BNC2: variants seen among roughly 807,000 people sequenced by gnomAD.
BNC2 encodes the protein basonuclin zinc finger protein 2.
In BNC2, 20 loss-of-function variants were observed where a neutral mutation model predicts 76.3. The ratio of observed to expected loss-of-function variants is 0.26; its 90% confidence interval spans 0.18 to 0.38. The LOEUF is 0.38. BNC2 is among the 10% of genes least tolerant of loss of function. The pLI is 1.00. For missense variants in BNC2, 1,382 were observed against 1,399.8 expected (o/e 0.99, Z 0.20); for synonymous variants, 582 against 514.8 (o/e 1.13, Z -1.77).
At chr9:16,798,600 T>G (rs1437677089) in intron 1 of BNC2, among the ~76,000 whole-genome samples, 1 of 151,642 alleles carries the variant, frequency 6.6e-6, no homozygotes, top group African/African-American at 2.4e-5. Flanking sequence ...TTTAAAGGAG[T>G]TCCTCCAACC....
chr9:16,822,731 A>T (rs2135957691), intron 1 of BNC2, among the ~76,000 whole-genome samples: 1 of 152,334 alleles, frequency 6.6e-6, no homozygotes, highest in Admixed American at 6.5e-5. Context: ...GTAAAGATTA[A>T]TGTGGTGTTG....
chr9:16,506,115 C>T (rs1056314730), intron 5 of BNC2, among the ~76,000 whole-genome samples: 2 of 152,106 alleles, frequency 1.3e-5, no homozygotes, highest in Non-Finnish European at 2.9e-5. Flanking sequence ...GCAAACTTTT[C>T]CCATTAAAAC....
intron 3 of BNC2, among the ~76,000 whole-genome samples, chr9:16,672,495 CA>C (rs930374259): frequency 2.0e-5 from 3 of 149,808 alleles, no homozygotes; most frequent in African/African-American, 4.9e-5. Flanking sequence ...AGATCCATCT[CA>C]AAAAAAAAGA....
At chr9:16,758,576 A>G (rs1586860317) in intron 1 of BNC2, among the ~76,000 whole-genome samples, 1 of 152,140 alleles carries the variant, frequency 6.6e-6, no homozygotes, top group East Asian at 1.9e-4. Flanking sequence ...TGATCTGTCC[A>G]CCTCGGCCTC....
intron 5 of BNC2, among the ~76,000 whole-genome samples, chr9:16,507,100 C>G (rs978705214): frequency 2.6e-5 from 4 of 152,096 alleles, no homozygotes; most frequent in African/African-American, 9.7e-5. Context: ...TAAAAGGAAC[C>G]TTTCCTACTT....
chr9:16,455,248 T>A (rs1406370437), intron 5 of BNC2, among the ~76,000 whole-genome samples: 1 of 152,242 alleles, frequency 6.6e-6, no homozygotes, highest in African/African-American at 2.4e-5. Context: ...TATATCAGCA[T>A]CTGCAGGTGG....
intron 5 of BNC2, among the ~76,000 whole-genome samples, chr9:16,547,169 C>T (rs571698297): frequency 9.9e-5 from 15 of 152,190 alleles, no homozygotes; most frequent in Non-Finnish European, 2.2e-4. Context: ...GAACTTGCTC[C>T]GCAAAGAGCT....
chr9:16,669,269 A>G (rs1282208269), intron 3 of BNC2, among the ~76,000 whole-genome samples: 2 of 152,184 alleles, frequency 1.3e-5, no homozygotes, highest in Non-Finnish European at 2.9e-5. Context: ...AGAGCCCACT[A>G]AGGGAGTAAT....
Position 16,829,011 on chromosome 9 carries a change from G to A in BNC2, c.3+41635C>T, listed in dbSNP as rs1203375275. The stretch of plus-strand genomic sequence containing the variant: ...GCAGGGGGGCGGCGGGGTGGGCTGG[G>A]CAGAGCAGAAGGGAGGCGAGCCAGG... On this transcript the variant is annotated intron_variant, in intron 1 of 6. Transcript: ENST00000380672. Among the ~76,000 whole-genome samples, 6 of 152,226 alleles carry A rather than the reference G, an allele frequency of 3.9e-5. No homozygotes were observed. In the East Asian group the frequency reaches 9.7e-4, roughly 25 times the overall value.
chr9:16,490,879 G>C (rs766795354), intron 5 of BNC2, among the ~76,000 whole-genome samples: 4 of 152,158 alleles, frequency 2.6e-5, no homozygotes, highest in Non-Finnish European at 5.9e-5. Flanking sequence ...CTAATCTCTA[G>C]GTGCTCAAAG....
chr9:16,694,101 T>C (rs906202672), intron 3 of BNC2, among the ~76,000 whole-genome samples: 1 of 152,018 alleles, frequency 6.6e-6, no homozygotes, highest in Non-Finnish European at 1.5e-5. Context: ...AGGAAGAAAA[T>C]ACATCCGTCT....
intron 5 of BNC2, among the ~76,000 whole-genome samples, chr9:16,484,423 C>T (rs543296091): frequency 6.6e-6 from 1 of 152,338 alleles, no homozygotes; most frequent in South Asian, 2.1e-4. Flanking sequence ...GATGTCATCA[C>T]AAGCAGGGCT....
chr9:16,492,316 G>C (rs755636609), intron 5 of BNC2, among the ~76,000 whole-genome samples: 5 of 152,166 alleles, frequency 3.3e-5, no homozygotes, highest in Non-Finnish European at 7.4e-5. Context: ...CACAGTTGTG[G>C]TATATGTAAG....
chr9:16,598,598 T>C (rs909497981), intron 3 of BNC2, among the ~76,000 whole-genome samples: 20 of 152,174 alleles, frequency 1.3e-4, no homozygotes, highest in African/African-American at 4.6e-4. Flanking sequence ...AATAAGTACC[T>C]TCTTCTAAGT....
intron 3 of BNC2, 67 bp from the exon 4 acceptor site, chr9:16,583,152 C>G: frequency 7.9e-7 from 1 of 1,266,356 alleles, no homozygotes; most frequent in Non-Finnish European, 1.2e-6. Context: ...TTCACCATTT[C>G]AATAAATATT....
In BNC2 at chr9:16,423,119, T is replaced by C. The variant is rs146792245; in HGVS notation, c.2640-3470A>G. 2.5e-3 allele frequency among the ~76,000 whole-genome samples: 382 copies of C among 152,264 alleles called. 1 individual carries two copies. Among genetic ancestry groups the C allele is most frequent in the African/African-American group, 8.2e-3 (340 of 41,540 alleles). On this transcript the variant is annotated intron_variant, in intron 6 of 6. Coordinates refer to ENST00000380672, the MANE Select transcript of BNC2 (RefSeq NM_017637.6). ...AGCCCTACTCAGTTGTATGTAACAA[T>C]TGGAACAAAGAATCCAACAAGGAAC...
intron 1 of BNC2, among the ~76,000 whole-genome samples, chr9:16,774,659 G>C (rs1267468379): frequency 6.6e-6 from 1 of 152,212 alleles, no homozygotes; most frequent in Non-Finnish European, 1.5e-5. Flanking sequence ...GATATTTGCA[G>C]TATTGTAAGC....
chr9:16,692,945 C>A (rs1017322622), intron 3 of BNC2, among the ~76,000 whole-genome samples: 4 of 151,870 alleles, frequency 2.6e-5, no homozygotes, highest in African/African-American at 9.7e-5. Context: ...GCCTGGCCGA[C>A]ATGGAGAAAC....
chr9:16,485,446 A>T (rs1822143955), intron 5 of BNC2, among the ~76,000 whole-genome samples: 2 of 152,146 alleles, frequency 1.3e-5, no homozygotes, highest in South Asian at 2.1e-4. Context: ...TTAGAGGCCA[A>T]ATCCATCACC....
Sources: allele counts gnomAD v4.1 joint callset (sites outside exome capture counted in the v4.1 genomes callset), GRCh38; gene constraint gnomAD v4.1.1; transcripts MANE v1.5; gene names NCBI Gene and HGNC (gene_info 2026-07-23, HGNC 2026-07-21).